The following PIP4K2A variants were observed in gnomAD, a reference collection of about 807,000 sequenced individuals.
PIP4K2A encodes phosphatidylinositol-5-phosphate 4-kinase type 2 alpha.
A neutral mutation model predicts 42.9 loss-of-function variants in PIP4K2A; 14 were observed. The observed-to-expected ratio is 0.33, with a 90% CI of 0.22 to 0.51. PIP4K2A has a LOEUF of 0.51. PIP4K2A is among the 20% of genes least tolerant of loss of function. PIP4K2A has a pLI of 0.97. For missense variants in PIP4K2A, 434 were observed against 519.8 expected (o/e 0.83, Z 1.61); for synonymous variants, 192 against 192.2 (o/e 1.00, Z 0.01).
intron 1 of PIP4K2A, among the ~76,000 whole-genome samples, chr10:22,689,329 A>G (rs1839817744): frequency 6.6e-6 from 1 of 152,216 alleles, no homozygotes; most frequent in Non-Finnish European, 1.5e-5. Context: ...CTGCTCTGCT[A>G]TGTCATTAAT....
chr10:22,545,036 G>A (rs1301296412), intron 7 of PIP4K2A, among the ~76,000 whole-genome samples: 1 of 152,190 alleles, frequency 6.6e-6, no homozygotes, highest in Non-Finnish European at 1.5e-5. Context: ...CCCCAAACGG[G>A]GCTCTAAGGT....
chr10:22,555,086 G>A (rs944566851), intron 6 of PIP4K2A, among the ~76,000 whole-genome samples: 20 of 152,246 alleles, frequency 1.3e-4, no homozygotes, highest in African/African-American at 4.6e-4. Flanking sequence ...CAGCCTGGCT[G>A]TCCTGCTTCC....
At chr10:22,696,847 A>G (rs1441033184) in intron 1 of PIP4K2A, among the ~76,000 whole-genome samples, 2 of 152,180 alleles carry the variant, frequency 1.3e-5, no homozygotes, top group East Asian at 3.8e-4. Context: ...TTTCTACTTA[A>G]TTCAAGCTTT....
chr10:22,695,874 G>A (rs1839960280), intron 1 of PIP4K2A, among the ~76,000 whole-genome samples: 1 of 151,972 alleles, frequency 6.6e-6, no homozygotes, highest in African/African-American at 2.4e-5. Flanking sequence ...TTCGACCCGT[G>A]GTTGGTTGAA....
intron 1 of PIP4K2A, among the ~76,000 whole-genome samples, chr10:22,687,085 C>T (rs1436131472): frequency 4.0e-5 from 6 of 150,632 alleles, no homozygotes; most frequent in East Asian, 2.0e-4. Flanking sequence ...GCTCATGATG[C>T]GGCATGCTAT....
At chr10:22,691,082 TAA>T (rs1398774091) in intron 1 of PIP4K2A, among the ~76,000 whole-genome samples, 3 of 152,136 alleles carry the variant, frequency 2.0e-5, no homozygotes, top group African/African-American at 7.2e-5. Context: ...ATGGTTTTGG[TAA>T]AGTCTTAAGA....
chr10:22,680,082 G>C (rs1839630493), intron 1 of PIP4K2A, among the ~76,000 whole-genome samples: 1 of 151,754 alleles, frequency 6.6e-6, no homozygotes, highest in African/African-American at 2.4e-5. Flanking sequence ...TCTCAATAAA[G>C]CTGTCTTTAA....
At position 22,622,431 on chromosome 10, in the gene PIP4K2A, C is replaced by T. The variant is rs115291613; in HGVS notation, c.145-12714G>A. The stretch of plus-strand genomic sequence containing the variant: ...CCAGCTCACACAGGGCTGGGCTGGG[C>T]GTCACGGAGCACGGGAGGAGCCAGT... On this transcript the variant is annotated intron_variant, in intron 1 of 9. Transcript: ENST00000376573. Among the ~76,000 whole-genome samples, 966 of 152,302 alleles carry T rather than the reference C, an allele frequency of 6.3e-3. 11 individuals are homozygous for T. Among genetic ancestry groups the T allele is most frequent in the African/African-American group, 0.022 (927 of 41,564 alleles).
chr10:22,682,710 C>G (rs748929149), intron 1 of PIP4K2A, among the ~76,000 whole-genome samples: 1 of 152,200 alleles, frequency 6.6e-6, no homozygotes, highest in Non-Finnish European at 1.5e-5. Flanking sequence ...ACCTGCCTCA[C>G]TTGTGAATTC....
At chr10:22,639,658 A>G (rs1477537470) in intron 1 of PIP4K2A, among the ~76,000 whole-genome samples, 1 of 152,220 alleles carries the variant, frequency 6.6e-6, no homozygotes, top group Non-Finnish European at 1.5e-5. Context: ...AGCTTTCCTA[A>G]CTAAAATCCC....
At chr10:22,585,019 G>A (rs1160536003) in intron 4 of PIP4K2A, among the ~76,000 whole-genome samples, 1 of 152,076 alleles carries the variant, frequency 6.6e-6, no homozygotes, top group Admixed American at 6.5e-5. Context: ...CAGACTCCCC[G>A]ACAGCCCCTC....
chr10:22,570,115 T>C (rs1836949809), intron 5 of PIP4K2A, among the ~76,000 whole-genome samples: 1 of 152,150 alleles, frequency 6.6e-6, no homozygotes, highest in Non-Finnish European at 1.5e-5. Context: ...AAGAACATAC[T>C]TGCCCTTGAG....
At chr10:22,714,022 G>A (rs1390026195) in intron 1 of PIP4K2A, 161 bp downstream of exon 1, 9 of 686,090 alleles carry the variant, frequency 1.3e-5, no homozygotes, top group Admixed American at 3.1e-5. Context: ...AGGGCTGGGG[G>A]CACGCGCCGC....
chr10:22,578,362 T>G (rs1315072723), intron 4 of PIP4K2A, among the ~76,000 whole-genome samples: 2 of 152,216 alleles, frequency 1.3e-5, no homozygotes, highest in African/African-American at 4.8e-5. Flanking sequence ...AGAGCAACTG[T>G]TCCCCCTGAG....
intron 1 of PIP4K2A, among the ~76,000 whole-genome samples, chr10:22,685,559 T>A (rs962262109): frequency 3.9e-5 from 6 of 151,948 alleles, no homozygotes; most frequent in African/African-American, 9.7e-5. Flanking sequence ...ACAAAAACTT[T>A]AAAAATTCGC....
At chr10:22,547,718 G>C (rs1836292197) in intron 7 of PIP4K2A, among the ~76,000 whole-genome samples, 2 of 152,144 alleles carry the variant, frequency 1.3e-5, no homozygotes, top group African/African-American at 4.8e-5. Context: ...GAGAGACCAG[G>C]GTTGATTCTT....
At chr10:22,693,707 C>A (rs898477887) in intron 1 of PIP4K2A, among the ~76,000 whole-genome samples, 3 of 152,172 alleles carry the variant, frequency 2.0e-5, no homozygotes, top group Non-Finnish European at 2.9e-5. Context: ...AACACACACA[C>A]CCAGCCTGGT....
chr10:22,665,724 A>G (rs967653347), intron 1 of PIP4K2A, among the ~76,000 whole-genome samples: 3 of 150,538 alleles, frequency 2.0e-5, no homozygotes, highest in African/African-American at 7.3e-5. Context: ...AAGTGCTGGG[A>G]TTACAGATGT....
At chr10:22,660,042 T>G (rs543280476) in intron 1 of PIP4K2A, among the ~76,000 whole-genome samples, 2 of 152,068 alleles carry the variant, frequency 1.3e-5, no homozygotes, top group Admixed American at 1.3e-4. Context: ...CCCCACAAAC[T>G]TTGATTGTTT....
Sources: gnomAD v4.1 joint callset for allele counts (sites outside exome capture counted in the v4.1 genomes callset) on GRCh38, gnomAD v4.1.1 for gene constraint, MANE v1.5 for transcripts, NCBI Gene and HGNC (gene_info 2026-07-23, HGNC 2026-07-21) for gene names.